FHOD3: variants seen among roughly 807,000 people sequenced by gnomAD.
FHOD3 encodes formin homology 2 domain containing 3.
Under a neutral mutation model 173.0 loss-of-function variants are expected in FHOD3, and 90 were observed. The observed-to-expected ratio is 0.52, with a 90% CI of 0.44 to 0.62. The LOEUF (loss-of-function observed/expected upper bound fraction) is 0.62, where lower values mean the gene tolerates loss of function less well. Ranked by LOEUF, FHOD3 falls within the 20% of genes least tolerant of loss-of-function variation. The pLI, the probability that FHOD3 is intolerant of heterozygous loss-of-function variation, is 0.00. For synonymous variants in FHOD3, 828 were observed against 823.0 expected, an observed-to-expected ratio of 1.01 and a Z score of -0.10; for missense variants, 1,945 against 2,034.7, an observed-to-expected ratio of 0.96 and a Z score of 0.85.
intron 5 of FHOD3, among the ~76,000 whole-genome samples, chr18:36,532,281 A>G (rs1159203000): frequency 1.3e-5 from 2 of 152,320 alleles, no homozygotes; most frequent in Admixed American, 1.3e-4. Flanking sequence ...AGTGATTGCC[A>G]CAATCCAGTC....
At chr18:36,608,747 C>T (rs1309111591) in intron 8 of FHOD3, among the ~76,000 whole-genome samples, 1 of 152,174 alleles carries the variant, frequency 6.6e-6, no homozygotes, top group Non-Finnish European at 1.5e-5. Flanking sequence ...TGGAATCATA[C>T]AGTAAGTAAC....
intron 10 of FHOD3, among the ~76,000 whole-genome samples, chr18:36,640,348 A>C (rs962295948): frequency 6.6e-6 from 1 of 152,224 alleles, no homozygotes; most frequent in Non-Finnish European, 1.5e-5. Flanking sequence ...CACTGATTCA[A>C]GTTGGCCAGA....
intron 20 of FHOD3, 68 bp downstream of exon 20, chr18:36,730,872 C>G (rs890376679): frequency 2.0e-6 from 3 of 1,472,448 alleles, no homozygotes; most frequent in African/African-American, 2.8e-5. Flanking sequence ...TGCTGCATGT[C>G]CACATTTCAA....
chr18:36,428,839 G>A (rs1389489966), intron 3 of FHOD3, among the ~76,000 whole-genome samples: 1 of 152,178 alleles, frequency 6.6e-6, no homozygotes, highest in African/African-American at 2.4e-5. Flanking sequence ...TCCTGGTCCG[G>A]TTAGCTGTGG....
At chr18:36,423,873 C>T (rs1232010624) in intron 3 of FHOD3, among the ~76,000 whole-genome samples, 1 of 152,208 alleles carries the variant, frequency 6.6e-6, no homozygotes, top group African/African-American at 2.4e-5. Flanking sequence ...CAATCATCAC[C>T]TTATACACTC....
intron 9 of FHOD3, among the ~76,000 whole-genome samples, chr18:36,615,978 C>A (rs1203304493): frequency 6.6e-6 from 1 of 152,184 alleles, no homozygotes; most frequent in Admixed American, 6.5e-5. Flanking sequence ...GCTCTTTGTG[C>A]GCTGCTCTGG....
chr18:36,448,046 A>C (rs1402097579), intron 3 of FHOD3, among the ~76,000 whole-genome samples: 1 of 152,248 alleles, frequency 6.6e-6, no homozygotes, highest in Non-Finnish European at 1.5e-5. Flanking sequence ...AAATAACAAA[A>C]AGATGAAACA....
At chr18:36,643,570 A>G (rs2035482416) in intron 10 of FHOD3, among the ~76,000 whole-genome samples, 1 of 152,198 alleles carries the variant, frequency 6.6e-6, no homozygotes. Flanking sequence ...ATATCCTCGT[A>G]TCAACAATAT....
At chr18:36,554,821 T>A (rs1286418988) in intron 5 of FHOD3, among the ~76,000 whole-genome samples, 1 of 152,212 alleles carries the variant, frequency 6.6e-6, no homozygotes, top group African/African-American at 2.4e-5. Flanking sequence ...TTTGTACCTC[T>A]CTAAGGAATT....
At chr18:36,455,125 G>A (rs1764087965) in intron 3 of FHOD3, among the ~76,000 whole-genome samples, 1 of 152,184 alleles carries the variant, frequency 6.6e-6, no homozygotes, top group Non-Finnish European at 1.5e-5. Context: ...TCTGAAATTG[G>A]AGTGCATGTG....
At chr18:36,755,769 C>T (rs2042608422) in intron 25 of FHOD3, among the ~76,000 whole-genome samples, 1 of 152,118 alleles carries the variant, frequency 6.6e-6, no homozygotes, top group Admixed American at 6.5e-5. Context: ...ACATGGACCA[C>T]CCATTGTGGG....
chr18:36,476,442 C>T (rs761906532), intron 3 of FHOD3, among the ~76,000 whole-genome samples: 30 of 152,188 alleles, frequency 2.0e-4, no homozygotes, highest in Non-Finnish European at 3.8e-4. Context: ...CTCATGCCCA[C>T]AGAGGGCAGG....
Position 36,593,705 on chromosome 18 carries a change from G to T in FHOD3, c.607-1082G>T, listed in dbSNP as rs183059088. On this transcript the variant is annotated intron_variant, in intron 6 of 28. Transcript: ENST00000590592. ...CTCAAGGGGTGGGCGAGAGGTCATG[G>T]ATTGATTGACCTGGTCACTGACTGA... Among the ~76,000 whole-genome samples, 51 of 152,282 alleles carry T rather than the reference G, an allele frequency of 3.3e-4. No individual in the cohort carries two copies. In the East Asian group the frequency reaches 7.7e-3, roughly 23 times the overall value.
Position 36,710,797 on chromosome 18 carries a change from A to G in FHOD3, c.2533+1406A>G, listed in dbSNP as rs917993332. The G allele has an allele frequency of 1.2e-4, 19 of 152,202 alleles. No individual in the cohort carries two copies. The East Asian group carries it at 3.7e-3, about 29-fold the overall frequency. The allele number at this position is 152,202 out of a possible 1,614,324, so 9.4% of individuals were successfully genotyped here. A position where few individuals can be genotyped will look rare whatever the true frequency, so the allele number is the denominator to read the frequency against. On this transcript the variant is annotated intron_variant, in intron 18 of 28. Transcript: ENST00000590592. ...GTCCCCCAAATTCTTCTTATCATTC[A>G]TATTAATGTAATTATTGTCATAATA...
chr18:36,369,510 G>T (rs201441345), intron 2 of FHOD3, among the ~76,000 whole-genome samples: 22,471 of 113,342 alleles, frequency 0.2, 2,840 homozygotes, highest in East Asian at 0.47. Flanking sequence ...TATATATAGA[G>T]AGAGAGAGAG....
chr18:36,742,959 G>A, intron 22 of FHOD3, 103 bp downstream of exon 22: 2 of 1,432,976 alleles, frequency 1.4e-6, no homozygotes, highest in Non-Finnish European at 1.9e-6. Context: ...AAAGCACAGT[G>A]GAACAAATGA....
chr18:36,712,058 C>G (rs1293990483), intron 18 of FHOD3, among the ~76,000 whole-genome samples: 1 of 152,210 alleles, frequency 6.6e-6, no homozygotes, highest in Non-Finnish European at 1.5e-5. Flanking sequence ...TGAGTCAGCG[C>G]TCTTGCTGGG....
At chr18:36,325,566 C>T (rs950956383) in intron 1 of FHOD3, among the ~76,000 whole-genome samples, 1 of 152,164 alleles carries the variant, frequency 6.6e-6, no homozygotes, top group Middle Eastern at 3.2e-3. Context: ...TTCTGTGGCC[C>T]TTTCTCTCCT....
chr18:36,639,273 G>A (rs953344636), intron 10 of FHOD3, among the ~76,000 whole-genome samples: 1 of 152,176 alleles, frequency 6.6e-6, no homozygotes, highest in South Asian at 2.1e-4. Context: ...CCGGCGTGGT[G>A]GCTCACGCCT....
Sources: gnomAD v4.1 joint callset for allele counts (sites outside exome capture counted in the v4.1 genomes callset) on GRCh38, gnomAD v4.1.1 for gene constraint, MANE v1.5 for transcripts, NCBI Gene and HGNC (gene_info 2026-07-23, HGNC 2026-07-21) for gene names.